Variants in PAXBP1 observed in about 807,000 individuals in gnomAD.
PAXBP1 encodes PAX3- and PAX7-binding protein 1.
In PAXBP1, 44 loss-of-function variants were observed where a neutral mutation model predicts 119.9. The observed-to-expected ratio is 0.37, with a 90% CI of 0.29 to 0.47. PAXBP1 has a LOEUF of 0.47. PAXBP1 is among the 20% of genes least tolerant of loss of function. The pLI, the probability that PAXBP1 is intolerant of heterozygous loss-of-function variation, is 0.99. For synonymous variants in PAXBP1, 393 were observed against 406.6 expected (o/e 0.97, Z 0.40); for missense variants, 898 against 1,134.1 (o/e 0.79, Z 2.99).
At chr21:32,741,081 T>C (rs896342137) in intron 15 of PAXBP1, among the ~76,000 whole-genome samples, 1 of 152,040 alleles carries the variant, frequency 6.6e-6, no homozygotes, top group Non-Finnish European at 1.5e-5. Flanking sequence ...CAACAGCAAG[T>C]ATGGTGGGAG....
At chr21:32,747,692 AAC>A (rs1188269784) in intron 11 of PAXBP1, among the ~76,000 whole-genome samples, 2 of 152,088 alleles carry the variant, frequency 1.3e-5, no homozygotes, top group Non-Finnish European at 2.9e-5. Flanking sequence ...TAACTTCTAA[AAC>A]CACATTGTAA....
intron 3 of PAXBP1, 139 bp downstream of exon 3, chr21:32,764,209 A>G: frequency 1.3e-6 from 1 of 794,448 alleles, no homozygotes; most frequent in East Asian, 3.0e-5. Flanking sequence ...TATATTTGCA[A>G]ATGGAAAAAC....
chr21:32,748,561 A>G lies in PAXBP1; in HGVS notation c.1861T>C (p.Cys621Arg), dbSNP rs766826727. 1 of 1,614,104 alleles carries G rather than the reference A, an allele frequency of 6.2e-7. No individual in the cohort carries two copies. Among genetic ancestry groups the G allele is most frequent in the Non-Finnish European group, 8.5e-7 (1 of 1,179,960 alleles). ...AGGGGGTTGAATAATTTTGGCAAAC[A>G]AAGGCCAATGTAAGCATCTTTGTAG... ...TSYKDAYIGL[C>R]LPKLFNPLIR... The change falls in exon 11 of 18, where the codon TGT becomes CGT. Residue 621 changes from cysteine to arginine, a missense_variant. This residue lies in a region of PAXBP1 where 599 missense variants were observed against 852.7 expected (regional missense o/e 0.70). Coordinates refer to ENST00000331923, the MANE Select transcript of PAXBP1 (RefSeq NM_016631.4).
chr21:32,760,237 A>G (rs2044117173), intron 5 of PAXBP1, among the ~76,000 whole-genome samples: 1 of 152,196 alleles, frequency 6.6e-6, no homozygotes, highest in Non-Finnish European at 1.5e-5. Context: ...TGGAAGAAAC[A>G]TCAAAAATCA....
chr21:32,756,110 T>G, intron 7 of PAXBP1: 1 of 231,600 alleles, frequency 4.3e-6, no homozygotes. Context: ...CAGGTTAATA[T>G]CCCTAAAGCA....
rs1472913564 is a variant in PAXBP1 at position 32,764,402 on chromosome 21, T to G, written c.595A>C (p.Lys199Gln). 3 of 1,613,768 alleles carry G rather than the reference T, an allele frequency of 1.9e-6. No individual in the cohort carries two copies. Among genetic ancestry groups the G allele is most frequent in the African/African-American group, 2.7e-5 (2 of 74,924 alleles). ...MESEKEEEKP[K>Q]TGGAFSNALS... is the part of the protein sequence containing the mutation. ...GCATTTGAAAAAGCTCCACCAGTCT[T>G]TGGCTTTTCTTCCTCTTTTTCACTT... Residue 199 changes from lysine (K) to glutamine (Q), a missense_variant, in exon 3 of 18, where the codon AAG (lysine) becomes CAG (glutamine). By Grantham distance (53) the Lys-to-Gln change is moderately conservative. Coordinates refer to ENST00000331923, the MANE Select transcript of PAXBP1 (RefSeq NM_016631.4).
intron 8 of PAXBP1, among the ~76,000 whole-genome samples, chr21:32,753,854 A>G (rs2044000939): frequency 6.6e-6 from 1 of 152,210 alleles, no homozygotes; most frequent in Non-Finnish European, 1.5e-5. Context: ...ACAGATGGGA[A>G]AAGGTATTTG....
intron 10 of PAXBP1, among the ~76,000 whole-genome samples, chr21:32,749,718 C>G (rs934907623): frequency 2.0e-5 from 3 of 152,002 alleles, no homozygotes; most frequent in East Asian, 1.9e-4. Flanking sequence ...TCTAATTAAG[C>G]CTTCAGACCT....
intron 12 of PAXBP1, among the ~76,000 whole-genome samples, chr21:32,745,279 A>G (rs1026248091): frequency 6.6e-6 from 1 of 152,198 alleles, no homozygotes; most frequent in Non-Finnish European, 1.5e-5. Flanking sequence ...TGCTCCCCAC[A>G]TAAATGCATA....
Position 32,771,374 on chromosome 21 carries a change from T to G in PAXBP1, c.295A>C (p.Lys99Gln), listed in dbSNP as rs755869611. ...LKPRKRPREN[K>Q]EVPRASLLSF... is the part of the protein sequence containing the mutation. ...AGCAGGCTGGCCCGGGGCACCTCTTTGTTCTCGCGAGGCCTCTTGCGCGGC... is the reference window on the plus strand; with the variant it reads ...AGCAGGCTGGCCCGGGGCACCTCTTGGTTCTCGCGAGGCCTCTTGCGCGGC... The change falls in exon 1 of 18, where the codon AAA becomes CAA. Residue 99 changes from lysine (K) to glutamine (Q), a missense_variant. Coordinates refer to ENST00000331923, the MANE Select transcript of PAXBP1 (RefSeq NM_016631.4). 1.6e-5 allele frequency: 26 copies of G among 1,582,864 alleles called. No individual in the cohort carries two copies. The highest frequency in any genetic ancestry group is 2.1e-5 in the Non-Finnish European group (25 of 1,172,454).
intron 15 of PAXBP1, 103 bp from the exon 16 acceptor site, chr21:32,738,422 T>A: frequency 4.5e-6 from 4 of 894,854 alleles, no homozygotes; most frequent in South Asian, 1.7e-5. Flanking sequence ...AGACCATGTC[T>A]TGCCAAAGTA....
At chr21:32,743,602 GT>G in intron 14 of PAXBP1, 75 bp downstream of exon 14, 1 of 1,147,572 alleles carries the variant, frequency 8.7e-7, no homozygotes, top group Non-Finnish European at 1.3e-6. Context: ...TTTCAAGCTA[GT>G]TTTTCAGAAT....
At chr21:32,756,153 T>C in intron 7 of PAXBP1, 1 of 354,104 alleles carries the variant, frequency 2.8e-6, no homozygotes, top group Non-Finnish European at 5.5e-6. Context: ...CAAAAGAACA[T>C]GAGAGCTAAC....
chr21:32,759,319 T>C, intron 6 of PAXBP1, 50 bp from the exon 7 acceptor site: 1 of 1,541,440 alleles, frequency 6.5e-7, no homozygotes, highest in South Asian at 1.2e-5. Context: ...CAAAGGTCTA[T>C]GGTGTCAGGA....
At chr21:32,753,276 GT>G (rs2043986190) in intron 8 of PAXBP1, among the ~76,000 whole-genome samples, 1 of 151,862 alleles carries the variant, frequency 6.6e-6, no homozygotes, top group South Asian at 2.1e-4. Context: ...GACCAACATG[GT>G]GAAACCCCGT....
At chr21:32,769,773 A>G (rs2044303375) in intron 2 of PAXBP1, 41 bp downstream of exon 2, 1 of 1,589,126 alleles carries the variant, frequency 6.3e-7, no homozygotes. Flanking sequence ...AAGAGCTTTC[A>G]TTTTGTCATT....
chr21:32,743,183 C>A, intron 15 of PAXBP1, 65 bp downstream of exon 15: 1 of 1,233,628 alleles, frequency 8.1e-7, no homozygotes, highest in Non-Finnish European at 1.2e-6. Flanking sequence ...ACAAAACACT[C>A]TAAAAAATGT....
At chr21:32,740,816 G>GA (rs559496520) in intron 15 of PAXBP1, among the ~76,000 whole-genome samples, 52 of 144,704 alleles carry the variant, frequency 3.6e-4, no homozygotes, top group African/African-American at 7.8e-4. Flanking sequence ...GCCACAAACT[G>GA]AAAAAAAAAA....
At chr21:32,754,486 G>A (rs1332998984) in intron 8 of PAXBP1, among the ~76,000 whole-genome samples, 1 of 151,908 alleles carries the variant, frequency 6.6e-6, no homozygotes, top group East Asian at 1.9e-4. Flanking sequence ...GAGGGTAACG[G>A]AAAAAAAGGA....
Sources: allele counts gnomAD v4.1 joint callset (sites outside exome capture counted in the v4.1 genomes callset), GRCh38; gene constraint gnomAD v4.1.1; regional missense constraint gnomAD v4.1.1; transcripts MANE v1.5; gene names NCBI Gene and HGNC (gene_info 2026-07-23, HGNC 2026-07-21).